The following GLT1D1 variants were observed in gnomAD, a reference collection of about 807,000 sequenced individuals.
GLT1D1 encodes glycosyltransferase 1 domain-containing protein 1.
GLT1D1 carries 21 observed loss-of-function variants against 28.7 expected under a neutral mutation model. That is an observed-to-expected ratio of 0.73 (90% CI 0.52 to 1.05). GLT1D1 has a LOEUF of 1.05. GLT1D1 is among the 50% of genes least tolerant of loss of function. The pLI, the probability that GLT1D1 is intolerant of heterozygous loss-of-function variation, is 0.00. For synonymous variants in GLT1D1, 147 were observed against 124.8 expected, an observed-to-expected ratio of 1.18 and a Z score of -1.19; for missense variants, 343 against 330.6, an observed-to-expected ratio of 1.04 and a Z score of -0.29.
intron 7 of GLT1D1, among the ~76,000 whole-genome samples, chr12:128,968,604 A>C (rs1020227937): frequency 6.6e-6 from 1 of 152,072 alleles, no homozygotes; most frequent in African/African-American, 2.4e-5. Context: ...TGGGGGTTGC[A>C]GTGAGCCGAG....
intron 4 of GLT1D1, among the ~76,000 whole-genome samples, chr12:128,939,842 C>CA (rs1037679835): frequency 2.8e-5 from 4 of 144,722 alleles, no homozygotes; most frequent in African/African-American, 5.3e-5. Flanking sequence ...TAGAAACCCC[C>CA]CCCCACCGCC....
intron 7 of GLT1D1, among the ~76,000 whole-genome samples, chr12:128,963,643 CAA>C (rs1476714456): frequency 6.6e-6 from 1 of 152,006 alleles, no homozygotes; most frequent in Non-Finnish European, 1.5e-5. Context: ...GACTCCGTCT[CAA>C]AACAAAAACA....
intron 1 of GLT1D1, among the ~76,000 whole-genome samples, chr12:128,871,563 T>C (rs1956689659): frequency 6.6e-6 from 1 of 152,100 alleles, no homozygotes; most frequent in South Asian, 2.1e-4. Context: ...GAGAGAAAAA[T>C]ATCATCCACA....
At chr12:128,890,583 G>A (rs530162034) in intron 3 of GLT1D1, among the ~76,000 whole-genome samples, 1 of 152,200 alleles carries the variant, frequency 6.6e-6, no homozygotes, top group East Asian at 1.9e-4. Context: ...TCAGGAGTTC[G>A]AGACCAGCCT....
chr12:128,885,737 TC>T (rs1327635321), intron 2 of GLT1D1, among the ~76,000 whole-genome samples: 1 of 152,216 alleles, frequency 6.6e-6, no homozygotes, highest in Non-Finnish European at 1.5e-5. Context: ...AGGGCTGTCA[TC>T]TTAAGTACTA....
intron 1 of GLT1D1, among the ~76,000 whole-genome samples, chr12:128,854,306 G>C (rs1956152945): frequency 6.6e-6 from 1 of 152,214 alleles, no homozygotes; most frequent in Non-Finnish European, 1.5e-5. Flanking sequence ...CGCACAGCGG[G>C]CGCTCGGCCT....
rs184220342 is a variant in GLT1D1, at chr12:128,962,574, C to T, written c.639+4931C>T. On this transcript the variant is annotated intron_variant, in intron 7 of 7. Transcript: ENST00000281703. ...TATGCAGGGGGTGAGGTGGCCTGGT[C>T]AGGTGCAACCCTAGGGACCTTGGGG... is the stretch of plus-strand genomic sequence containing the variant. Among the ~76,000 whole-genome samples the T allele has an allele frequency of 1.4e-3, 219 of 152,298 alleles. 1 individual carries two copies. The highest frequency in any genetic ancestry group is 5.0e-3 in the African/African-American group (206 of 41,564).
intron 4 of GLT1D1, among the ~76,000 whole-genome samples, chr12:128,924,788 C>T (rs951792894): frequency 1.3e-5 from 2 of 152,050 alleles, no homozygotes; most frequent in African/African-American, 4.8e-5. Flanking sequence ...CCGGTGTGAA[C>T]GGGGCAGTGG....
At chr12:128,969,999 T>C (rs1488441924) in intron 7 of GLT1D1, among the ~76,000 whole-genome samples, 1 of 152,158 alleles carries the variant, frequency 6.6e-6, no homozygotes, top group Non-Finnish European at 1.5e-5. Context: ...GGAGGCCTCC[T>C]GGTGATCTGT....
intron 7 of GLT1D1, among the ~76,000 whole-genome samples, chr12:128,980,048 C>T (rs1357918621): frequency 6.6e-6 from 1 of 152,248 alleles, no homozygotes; most frequent in East Asian, 1.9e-4. Flanking sequence ...CATCATAAGT[C>T]GGGACTGTTT....
rs894969383 is a variant in GLT1D1, at chr12:128,984,037, C to T, written c.*947C>T. 7.2e-5 allele frequency: 11 copies of T among 152,320 alleles called. No homozygotes were observed. The highest frequency in any genetic ancestry group is 2.7e-4 in the African/African-American group (11 of 41,474). 9.4% of individuals were successfully genotyped at this position (152,320 alleles called of 1,614,324 possible). ...TGTCACATGAGGACGTGCAGTCTTC[C>T]TTGTCCTCTCCTAGTGGAATTTGCC... On this transcript the variant is annotated 3_prime_UTR_variant, in exon 8 of 8. Coordinates refer to ENST00000281703, the MANE Select transcript of GLT1D1 (RefSeq NM_144669.3).
chr12:128,969,540 CG>C (rs1175335211), intron 7 of GLT1D1, among the ~76,000 whole-genome samples: 2 of 152,140 alleles, frequency 1.3e-5, no homozygotes, highest in Non-Finnish European at 2.9e-5. Flanking sequence ...TGAGCTGCTG[CG>C]CGGCAAGCAG....
chr12:128,914,239 G>A (rs1473639362), intron 4 of GLT1D1, among the ~76,000 whole-genome samples: 1 of 152,086 alleles, frequency 6.6e-6, no homozygotes, highest in Non-Finnish European at 1.5e-5. Context: ...GGTGAGGGTT[G>A]AGAGTGGGAA....
intron 4 of GLT1D1, chr12:128,944,665 A>T (rs1424245706): frequency 2.8e-6 from 2 of 725,584 alleles, no homozygotes; most frequent in Non-Finnish European, 5.1e-6. Context: ...TGCCTGTGGA[A>T]GTGTCCTTGG....
intron 7 of GLT1D1, among the ~76,000 whole-genome samples, chr12:128,971,440 C>A: frequency 8.3e-6 from 1 of 120,458 alleles, no homozygotes; most frequent in Admixed American, 9.8e-5. Context: ...CCTCCTCCCT[C>A]CCTTCCTCTC....
chr12:128,877,427 G>A (rs1552334), intron 2 of GLT1D1, among the ~76,000 whole-genome samples: 1 of 152,154 alleles, frequency 6.6e-6, no homozygotes. Flanking sequence ...TTTCCACACT[G>A]TATCAAACCT....
In GLT1D1 at chr12:128,853,506, C is replaced by T. The variant is rs1180186187; in HGVS notation, c.-76C>T. 1 of 991,562 alleles carries T rather than the reference C, an allele frequency of 1.0e-6. No homozygotes were observed. The highest frequency in any genetic ancestry group is 1.2e-6 in the Non-Finnish European group (1 of 831,414). 61.4% of individuals were successfully genotyped at this position (991,562 alleles called of 1,614,324 possible). On this transcript the variant is annotated 5_prime_UTR_variant, in exon 1 of 8. Transcript: ENST00000281703. Reference sequence around the variant, plus strand: ...GACCCAGCCGCCCCGGCTCCCCCGCCGTCCGCGTCTGCGCCGGCCCCGGGG... The same window carrying T: ...GACCCAGCCGCCCCGGCTCCCCCGCTGTCCGCGTCTGCGCCGGCCCCGGGG...
At chr12:128,896,690 C>G (rs1325489226) in intron 3 of GLT1D1, among the ~76,000 whole-genome samples, 1 of 151,654 alleles carries the variant, frequency 6.6e-6, no homozygotes, top group Non-Finnish European at 1.5e-5. Flanking sequence ...AGCGGTCCCC[C>G]TGCCTCAGCG....
intron 4 of GLT1D1, among the ~76,000 whole-genome samples, chr12:128,905,117 C>T (rs146727374): frequency 3.9e-5 from 6 of 152,306 alleles, no homozygotes; most frequent in Admixed American, 6.5e-5. Flanking sequence ...CCACTTACGC[C>T]GTTTCCCAGA....
Sources: allele counts gnomAD v4.1 joint callset (sites outside exome capture counted in the v4.1 genomes callset), GRCh38; gene constraint gnomAD v4.1.1; transcripts MANE v1.5; gene names NCBI Gene and HGNC (gene_info 2026-07-23, HGNC 2026-07-21).